EYA2: variants seen among roughly 807,000 people sequenced by gnomAD.
EYA2 encodes EYA transcriptional coactivator and phosphatase 2.
Under a neutral mutation model 69.2 loss-of-function variants are expected in EYA2, and 31 were observed. The ratio of observed to expected loss-of-function variants is 0.45; its 90% CI spans 0.34 to 0.60. The LOEUF (loss-of-function observed/expected upper bound fraction) is 0.60, where lower values mean the gene tolerates loss of function less well. Among genes scored for constraint, EYA2 ranks in the 20% least tolerant of loss-of-function variants. EYA2 has a pLI of 0.02. For missense variants in EYA2, 622 were observed against 701.2 expected (o/e 0.89, Z 1.28); for synonymous variants, 257 against 279.4 (o/e 0.92, Z 0.80).
At chr20:46,994,357 CTGGGAAGGGGTGG>C (rs1981878333) in intron 2 of EYA2, among the ~76,000 whole-genome samples, 1 of 152,174 alleles carries the variant, frequency 6.6e-6, no homozygotes. Context: ...TATCCTGTCT[CTGGGAAGGGGTGG>C]TGGGGAGTTC....
chr20:47,154,961 T>C (rs1272147302), intron 10 of EYA2, among the ~76,000 whole-genome samples: 1 of 151,436 alleles, frequency 6.6e-6, no homozygotes, highest in African/African-American at 2.4e-5. Flanking sequence ...TTCTCATGCC[T>C]CAGCCTCCCG....
chr20:47,174,286 T>C (rs2034386229), intron 12 of EYA2, among the ~76,000 whole-genome samples: 1 of 152,252 alleles, frequency 6.6e-6, no homozygotes, highest in Non-Finnish European at 1.5e-5. Context: ...GTCGCAGCTC[T>C]ACAACTTTCT....
chr20:47,139,990 A>G (rs1206836), intron 9 of EYA2, among the ~76,000 whole-genome samples: 2,317 of 152,300 alleles, frequency 0.015, 56 homozygotes, highest in African/African-American at 0.052. Flanking sequence ...TTGGTATGCA[A>G]TAATTACTTT....
chr20:46,991,245 G>C (rs1981640124), intron 2 of EYA2, among the ~76,000 whole-genome samples: 2 of 152,216 alleles, frequency 1.3e-5, no homozygotes, highest in Admixed American at 6.5e-5. Context: ...GTCTTCATTT[G>C]AGAGCCCGTA....
Position 47,179,818 on chromosome 20 carries a change from A to G in EYA2, c.1219A>G (p.Arg407Gly). 6.2e-7 allele frequency: 1 copy of G among 1,613,736 alleles called. No individual in the cohort carries two copies. The highest frequency in any genetic ancestry group is 8.5e-7 in the Non-Finnish European group (1 of 1,179,776). Residue 407 changes from arginine (R) to glycine (G), a missense_variant, in exon 13 of 16, where the codon AGG becomes GGG. Physicochemically the swap from Arg to Gly is moderately radical, Grantham distance 125. Around this residue, in one of 2 missense-constraint regions of EYA2, gnomAD observed 257 missense variants for 351.5 expected, o/e 0.73. Coordinates refer to ENST00000327619, the MANE Select transcript of EYA2 (RefSeq NM_005244.5). ...CACAGGGTTGATAGGCACTCCCAAA[A>G]GGGAGACCTGGCTACAGCTCCGAGC... ...NVGGLIGTPK[R>G]ETWLQLRAEL... is the part of the protein sequence containing the mutation.
At chr20:47,147,054 CT>C (rs57767869) in intron 10 of EYA2, among the ~76,000 whole-genome samples, 16,795 of 112,658 alleles carry the variant, frequency 0.15, 691 homozygotes, top group African/African-American at 0.18. Context: ...GCTCCTCTGA[CT>C]TTTTTTTTTT....
chr20:46,948,114 A>AAAAAAAAAAAGAAAAAG (rs1978576979), intron 1 of EYA2, among the ~76,000 whole-genome samples: 1 of 151,392 alleles, frequency 6.6e-6, no homozygotes, highest in African/African-American at 2.4e-5. Flanking sequence ...TGTCTCAAAA[A>AAAAAAAAAAAGAAAAAG]AAAAAAAAAG....
intron 5 of EYA2, among the ~76,000 whole-genome samples, chr20:47,044,324 C>T (rs1302655379): frequency 6.6e-6 from 1 of 152,166 alleles, no homozygotes; most frequent in East Asian, 1.9e-4. Context: ...ATTCATTCAG[C>T]ATATGTTGGG....
intron 1 of EYA2, among the ~76,000 whole-genome samples, chr20:46,911,005 G>A (rs765115683): frequency 6.6e-6 from 1 of 152,168 alleles, no homozygotes; most frequent in Non-Finnish European, 1.5e-5. Flanking sequence ...CCAACACCGA[G>A]GTTCAGGTTA....
chr20:47,022,382 C>T (rs968980810), intron 5 of EYA2, among the ~76,000 whole-genome samples: 21 of 152,150 alleles, frequency 1.4e-4, no homozygotes, highest in Admixed American at 9.8e-4. Context: ...GGCATGATCT[C>T]GGCTTACTGC....
At chr20:46,976,155 G>T (rs1055674282) in intron 1 of EYA2, among the ~76,000 whole-genome samples, 3 of 152,178 alleles carry the variant, frequency 2.0e-5, no homozygotes, top group African/African-American at 7.2e-5. Flanking sequence ...GAACCCAGGA[G>T]TTGGAGACCA....
intron 1 of EYA2, among the ~76,000 whole-genome samples, chr20:46,920,106 A>G (rs1985113354): frequency 6.6e-6 from 1 of 152,224 alleles, no homozygotes; most frequent in Admixed American, 6.5e-5. Context: ...ACAGATCTCC[A>G]TAACAGATAT....
At position 47,150,192 on chromosome 20, in the gene EYA2, C is replaced by G. The variant is rs548586017; in HGVS notation, c.978+7044C>G. ...GCGTCATCCTGCCTCACCTGAGTTT[C>G]TGCTGCATTCTCTGGTCCTGGCCCC... is the stretch of plus-strand genomic sequence containing the variant. On this transcript the variant is annotated intron_variant, in intron 10 of 15. Coordinates refer to ENST00000327619, the MANE Select transcript of EYA2 (RefSeq NM_005244.5). Among the ~76,000 whole-genome samples the G allele has an allele frequency of 2.0e-5, 3 of 152,326 alleles. No individual in the cohort carries two copies. In the South Asian group the frequency reaches 6.2e-4, roughly 32 times the overall value.
intron 5 of EYA2, among the ~76,000 whole-genome samples, chr20:47,028,047 G>A (rs1274642652): frequency 6.6e-6 from 1 of 152,174 alleles, no homozygotes. Flanking sequence ...AGGTCATGAG[G>A]GTGGGGTCTT....
At chr20:46,990,401 T>C (rs1386446914) in intron 2 of EYA2, among the ~76,000 whole-genome samples, 4 of 152,210 alleles carry the variant, frequency 2.6e-5, no homozygotes, top group Non-Finnish European at 4.4e-5. Flanking sequence ...ATAGTCACTT[T>C]GGGGCGTGTC....
At chr20:47,086,416 A>G (rs1002495184) in intron 7 of EYA2, among the ~76,000 whole-genome samples, 1 of 152,228 alleles carries the variant, frequency 6.6e-6, no homozygotes, top group Non-Finnish European at 1.5e-5. Context: ...CTCAGGCTGT[A>G]CAGGAAGTAT....
intron 5 of EYA2, among the ~76,000 whole-genome samples, chr20:47,063,924 CA>C (rs1192266112): frequency 6.6e-6 from 1 of 152,144 alleles, no homozygotes; most frequent in Non-Finnish European, 1.5e-5. Context: ...ATCCTTTGTT[CA>C]AAATGTCAAG....
chr20:47,122,079 A>G (rs192226900), intron 9 of EYA2, among the ~76,000 whole-genome samples: 5 of 145,010 alleles, frequency 3.4e-5, no homozygotes, highest in Non-Finnish European at 7.4e-5. Context: ...TTGAAAAATC[A>G]GAAGATCTGG....
At chr20:46,957,269 G>A (rs560106772) in intron 1 of EYA2, among the ~76,000 whole-genome samples, 2 of 152,182 alleles carry the variant, frequency 1.3e-5, no homozygotes, top group South Asian at 2.1e-4. Context: ...GCTTCTAATA[G>A]CCTATCAATG....
Sources: allele counts gnomAD v4.1 joint callset (sites outside exome capture counted in the v4.1 genomes callset), GRCh38; gene constraint gnomAD v4.1.1; regional missense constraint gnomAD v4.1.1; transcripts MANE v1.5; gene names NCBI Gene and HGNC (gene_info 2026-07-23, HGNC 2026-07-21).